Variants in KCNIP4 observed in about 807,000 individuals in gnomAD.
KCNIP4 encodes Kv channel-interacting protein 4.
KCNIP4 carries 12 observed loss-of-function variants against 34.0 expected under a neutral mutation model. The ratio of observed to expected loss-of-function variants is 0.35; its 90% CI spans 0.23 to 0.57. The LOEUF is 0.57. KCNIP4 is among the 20% of genes least tolerant of loss of function. KCNIP4 has a pLI of 0.83. For missense variants in KCNIP4, 238 were observed against 311.7 expected (o/e 0.76, Z 1.78); for synonymous variants, 124 against 102.2 (o/e 1.21, Z -1.29).
intron 1 of KCNIP4, among the ~76,000 whole-genome samples, chr4:21,306,821 C>CT (rs199792803): frequency 1.9e-3 from 278 of 145,540 alleles, no homozygotes; most frequent in Middle Eastern, 7.0e-3. Flanking sequence ...TAGGCAGGAA[C>CT]TTTTTTTTTT....
intron 1 of KCNIP4, among the ~76,000 whole-genome samples, chr4:21,331,264 T>C (rs577182507): frequency 6.6e-6 from 1 of 152,248 alleles, no homozygotes; most frequent in Admixed American, 6.5e-5. Context: ...CAATTTCCTT[T>C]AATGCTTTTA....
At chr4:20,987,433 A>T (rs577235433) in intron 1 of KCNIP4, among the ~76,000 whole-genome samples, 1 of 152,228 alleles carries the variant, frequency 6.6e-6, no homozygotes, top group South Asian at 2.1e-4. Flanking sequence ...CCAAAGGTAC[A>T]CTAAAGGCTT....
chr4:20,905,522 T>TTTTTTTTTTTTTTTTTTTTTTTG lies in KCNIP4; in HGVS notation c.62-22814_62-22813insCAAAAAAAAAAAAAAAAAAAAAA, dbSNP rs768668990. ...AACGTTTTCTTTCTTTTTTTTTTTT[T>TTTTTTTTTTTTTTTTTTTTTTTG]TTTGTTTGAGATGGAGTCTTGCTCT... On this transcript the variant is annotated intron_variant, in intron 1 of 8. Transcript: ENST00000382152. Among the ~76,000 whole-genome samples, 37 of 111,242 alleles carry TTTTTTTTTTTTTTTTTTTTTTTG rather than the reference T, an allele frequency of 3.3e-4. 1 individual carries two copies. Among genetic ancestry groups the TTTTTTTTTTTTTTTTTTTTTTTG allele is most frequent in the Non-Finnish European group, 4.6e-4 (25 of 54,898 alleles). The allele number at this position is 111,242 out of a possible 152,430, so 73.0% of individuals were successfully genotyped here. A position where few individuals can be genotyped will look rare whatever the true frequency, so the allele number is the denominator to read the frequency against.
intron 3 of KCNIP4, among the ~76,000 whole-genome samples, chr4:20,778,909 T>C (rs1329723677): frequency 6.6e-6 from 1 of 152,150 alleles, no homozygotes; most frequent in African/African-American, 2.4e-5. Context: ...GGAATGAGTA[T>C]GTCTTCTAAT....
At chr4:21,787,659 ATCT>A (rs764371983) in intron 1 of KCNIP4, among the ~76,000 whole-genome samples, 2 of 152,176 alleles carry the variant, frequency 1.3e-5, no homozygotes, top group Non-Finnish European at 2.9e-5. Flanking sequence ...AAAGTCACTG[ATCT>A]TCTCACTGAT....
At chr4:21,628,842 T>C (rs1357668933) in intron 1 of KCNIP4, among the ~76,000 whole-genome samples, 1 of 152,198 alleles carries the variant, frequency 6.6e-6, no homozygotes, top group Non-Finnish European at 1.5e-5. Flanking sequence ...TTATACCCAT[T>C]TACATTTGAT....
chr4:21,500,440 T>C (rs1577471442), intron 1 of KCNIP4, among the ~76,000 whole-genome samples: 1 of 152,242 alleles, frequency 6.6e-6, no homozygotes, highest in African/African-American at 2.4e-5. Context: ...TCTTAATTGC[T>C]TTTTCTACAA....
intron 1 of KCNIP4, among the ~76,000 whole-genome samples, chr4:21,181,150 T>A (rs1218437832): frequency 6.6e-6 from 1 of 152,156 alleles, no homozygotes; most frequent in African/African-American, 2.4e-5. Context: ...GTCAGGAATA[T>A]CCTCCTGAGG....
At chr4:21,331,269 C>T (rs1029211822) in intron 1 of KCNIP4, among the ~76,000 whole-genome samples, 18 of 152,056 alleles carry the variant, frequency 1.2e-4, no homozygotes, top group Non-Finnish European at 4.4e-5. Context: ...TCCTTTAATG[C>T]TTTTATGAAA....
chr4:21,029,962 T>A (rs1196508551), intron 1 of KCNIP4, among the ~76,000 whole-genome samples: 1 of 152,136 alleles, frequency 6.6e-6, no homozygotes, highest in East Asian at 1.9e-4. Context: ...CAATATTGAG[T>A]TCTCTTGATA....
rs74496894 is a variant in KCNIP4, at chr4:21,052,024, T to C, written c.62-169315A>G. Among the ~76,000 whole-genome samples, 19 of 152,312 alleles carry C rather than the reference T, an allele frequency of 1.2e-4. No individual in the cohort carries two copies. In the East Asian group the frequency reaches 1.4e-3, roughly 11 times the overall value. ...CATAAAATAACTACACCTCAATACATTGGAATTTAGAAATAAAGAGACCAT... is the reference window on the plus strand; with the variant it reads ...CATAAAATAACTACACCTCAATACACTGGAATTTAGAAATAAAGAGACCAT... On this transcript the variant is annotated intron_variant, in intron 1 of 8. Coordinates refer to ENST00000382152, the MANE Select transcript of KCNIP4 (RefSeq NM_025221.6).
chr4:20,763,719 A>G (rs183007352), intron 3 of KCNIP4, among the ~76,000 whole-genome samples: 25 of 152,026 alleles, frequency 1.6e-4, no homozygotes, highest in African/African-American at 6.0e-4. Flanking sequence ...TGCTTTATTT[A>G]TTGATTTTTA....
At chr4:21,341,685 C>A (rs1232398432) in intron 1 of KCNIP4, among the ~76,000 whole-genome samples, 1 of 152,068 alleles carries the variant, frequency 6.6e-6, no homozygotes, top group Non-Finnish European at 1.5e-5. Context: ...TAATAACCTG[C>A]ACCTTTTGCT....
chr4:21,361,452 A>T (rs1719210430), intron 1 of KCNIP4, among the ~76,000 whole-genome samples: 1 of 152,076 alleles, frequency 6.6e-6, no homozygotes, highest in Non-Finnish European at 1.5e-5. Flanking sequence ...GGACTTTGCT[A>T]AAAGAAAGAC....
At chr4:20,902,100 C>G (rs1164638283) in intron 1 of KCNIP4, among the ~76,000 whole-genome samples, 1 of 152,158 alleles carries the variant, frequency 6.6e-6, no homozygotes, top group Non-Finnish European at 1.5e-5. Flanking sequence ...AGAGATTACT[C>G]ATGTCTTCTC....
intron 1 of KCNIP4, among the ~76,000 whole-genome samples, chr4:21,561,816 T>C (rs1231299215): frequency 6.6e-6 from 1 of 152,012 alleles, no homozygotes; most frequent in Non-Finnish European, 1.5e-5. Context: ...ATAAATCACT[T>C]ATTTTTTGGA....
intron 1 of KCNIP4, among the ~76,000 whole-genome samples, chr4:21,946,119 A>T (rs925003381): frequency 1.3e-5 from 2 of 151,596 alleles, no homozygotes; most frequent in African/African-American, 2.4e-5. Context: ...CATTTCCAAC[A>T]TTTCCTCTCT....
At chr4:21,012,206 G>A (rs771475904) in intron 1 of KCNIP4, among the ~76,000 whole-genome samples, 14 of 152,140 alleles carry the variant, frequency 9.2e-5, no homozygotes, top group Non-Finnish European at 1.9e-4. Flanking sequence ...TTGGTATATA[G>A]TAGGTGCTCA....
At chr4:21,474,179 G>A (rs1265692064) in intron 1 of KCNIP4, among the ~76,000 whole-genome samples, 1 of 152,046 alleles carries the variant, frequency 6.6e-6, no homozygotes, top group Non-Finnish European at 1.5e-5. Flanking sequence ...TTTCTTTCAT[G>A]AACTCTATCA....
Sources: allele counts gnomAD v4.1 joint callset (sites outside exome capture counted in the v4.1 genomes callset), GRCh38; gene constraint gnomAD v4.1.1; transcripts MANE v1.5; gene names NCBI Gene and HGNC (gene_info 2026-07-23, HGNC 2026-07-21).